Variants in SLC4A10 observed in about 807,000 individuals in gnomAD.
SLC4A10 encodes sodium-driven chloride bicarbonate exchanger.
SLC4A10 carries 42 observed loss-of-function variants against 137.7 expected under a neutral mutation model. That is an observed-to-expected ratio of 0.30 (90% CI 0.24 to 0.39). The LOEUF (loss-of-function observed/expected upper bound fraction) is 0.39. SLC4A10 is among the 10% of genes least tolerant of loss of function. SLC4A10 has a pLI of 1.00. For missense variants in SLC4A10, 925 were observed against 1,355.0 expected (o/e 0.68, Z 4.98); for synonymous variants, 474 against 464.1 (o/e 1.02, Z -0.27).
chr2:161,732,359 AT>A (rs1310613425), intron 1 of SLC4A10, among the ~76,000 whole-genome samples: 2 of 152,212 alleles, frequency 1.3e-5, no homozygotes, highest in Non-Finnish European at 2.9e-5. Flanking sequence ...ATACAAAAAG[AT>A]TCCCCATTTT....
intron 6 of SLC4A10, among the ~76,000 whole-genome samples, chr2:161,867,403 T>A (rs1190042896): frequency 6.6e-6 from 1 of 151,992 alleles, no homozygotes; most frequent in Non-Finnish European, 1.5e-5. Context: ...AAAGCTAGAA[T>A]AATAATTCTT....
rs1309103792 is a variant in SLC4A10 at position 161,828,784 on chromosome 2, AT to A, written c.278-11004del. 1.1e-4 allele frequency among the ~76,000 whole-genome samples: 12 copies of A among 110,172 alleles called. 1 individual carries two copies. The highest frequency in any genetic ancestry group is 4.3e-4 in the African/African-American group (12 of 27,898). 72.3% of individuals were successfully genotyped at this position (110,172 alleles called of 152,430 possible). On this transcript the variant is annotated intron_variant, in intron 3 of 26. Transcript: ENST00000446997. ...TTCTAATTCATATATATATATATAT[AT>A]ATATATATATATATATATATATATG...
At chr2:161,674,519 T>C (rs1322247255) in intron 1 of SLC4A10, among the ~76,000 whole-genome samples, 1 of 152,178 alleles carries the variant, frequency 6.6e-6, no homozygotes, top group Non-Finnish European at 1.5e-5. Flanking sequence ...CATCTTTCTG[T>C]AATAGAAGAA....
chr2:161,811,082 C>T (rs948875006), intron 3 of SLC4A10, among the ~76,000 whole-genome samples: 4 of 151,878 alleles, frequency 2.6e-5, no homozygotes, highest in South Asian at 2.1e-4. Flanking sequence ...TCACATTATC[C>T]CTTGTTCAAC....
intron 12 of SLC4A10, among the ~76,000 whole-genome samples, chr2:161,903,495 G>A (rs533569878): frequency 2.2e-4 from 34 of 152,240 alleles, no homozygotes; most frequent in African/African-American, 7.5e-4. Flanking sequence ...TTTTTTGGCC[G>A]AGAGAGTAGG....
At chr2:161,824,483 G>A (rs2057878550) in intron 3 of SLC4A10, among the ~76,000 whole-genome samples, 2 of 152,148 alleles carry the variant, frequency 1.3e-5, no homozygotes, top group Admixed American at 1.3e-4. Context: ...TTGTGAATAT[G>A]GCGAAAAAGG....
chr2:161,970,247 T>C (rs1169751177), intron 23 of SLC4A10, among the ~76,000 whole-genome samples: 2 of 152,226 alleles, frequency 1.3e-5, no homozygotes, highest in African/African-American at 4.8e-5. Flanking sequence ...ATGAAAAATA[T>C]GTTACATTTA....
Position 161,939,917 on chromosome 2 carries a change from G to A in SLC4A10, c.1998-2875G>A, listed in dbSNP as rs542228633. ...TAATGTGCAATGCTTCCTTCTCCAT[G>A]GCTCCAGTGTCATGACATCTATAGT... On this transcript the variant is annotated intron_variant, in intron 15 of 26. Transcript: ENST00000446997. 3.9e-5 allele frequency among the ~76,000 whole-genome samples: 6 copies of A among 152,106 alleles called. No individual in the cohort carries two copies. In the South Asian group the frequency reaches 1.2e-3, roughly 32 times the overall value.
intron 2 of SLC4A10, among the ~76,000 whole-genome samples, chr2:161,772,617 C>A (rs1463774986): frequency 2.0e-5 from 3 of 151,764 alleles, no homozygotes; most frequent in African/African-American, 7.3e-5. Flanking sequence ...AGATTTTGTT[C>A]TATTTACTGA....
chr2:161,877,284 T>C (rs1223059482), intron 8 of SLC4A10, among the ~76,000 whole-genome samples: 1 of 152,104 alleles, frequency 6.6e-6, no homozygotes, highest in Non-Finnish European at 1.5e-5. Flanking sequence ...TAATTCATAT[T>C]ATCAATTATG....
At chr2:161,904,662 G>T (rs1683930679) in intron 13 of SLC4A10, 114 bp from the exon 14 acceptor site, 3 of 1,349,650 alleles carry the variant, frequency 2.2e-6, no homozygotes, top group Non-Finnish European at 3.0e-6. Flanking sequence ...AGGGTTGCTA[G>T]ACTTTTCAGG....
chr2:161,896,430 GT>G (rs1271893914), intron 11 of SLC4A10, among the ~76,000 whole-genome samples: 2 of 152,070 alleles, frequency 1.3e-5, no homozygotes, highest in Non-Finnish European at 1.5e-5. Flanking sequence ...CTTTAAAGTA[GT>G]TTTTTTCCAA....
chr2:161,866,488 T>G (rs1212654729), intron 6 of SLC4A10, among the ~76,000 whole-genome samples: 1 of 152,014 alleles, frequency 6.6e-6, no homozygotes, highest in Non-Finnish European at 1.5e-5. Context: ...AATGCCACCA[T>G]GCTGTGTTTA....
At chr2:161,759,848 C>A (rs1268140287) in intron 1 of SLC4A10, among the ~76,000 whole-genome samples, 1 of 151,946 alleles carries the variant, frequency 6.6e-6, no homozygotes, top group Non-Finnish European at 1.5e-5. Flanking sequence ...CTTTGCTGTG[C>A]AGATTAAATG....
intron 1 of SLC4A10, among the ~76,000 whole-genome samples, chr2:161,760,892 A>G (rs2050186245): frequency 1.3e-5 from 2 of 151,888 alleles, no homozygotes; most frequent in Admixed American, 1.3e-4. Flanking sequence ...TATATATATA[A>G]CATACATAGG....
chr2:161,773,744 CAT>C (rs2051963563), intron 2 of SLC4A10, among the ~76,000 whole-genome samples: 1 of 151,810 alleles, frequency 6.6e-6, no homozygotes, highest in African/African-American at 2.4e-5. Flanking sequence ...TTAATTTCTT[CAT>C]ATGTGTATTA....
intron 9 of SLC4A10, among the ~76,000 whole-genome samples, chr2:161,881,923 T>C (rs568707125): frequency 6.6e-6 from 1 of 152,150 alleles, no homozygotes; most frequent in South Asian, 2.1e-4. Flanking sequence ...ACTCTATATT[T>C]TCTCTGTTTT....
At chr2:161,875,789 A>G (rs1490676889) in intron 8 of SLC4A10, among the ~76,000 whole-genome samples, 1 of 152,204 alleles carries the variant, frequency 6.6e-6, no homozygotes, top group African/African-American at 2.4e-5. Flanking sequence ...AGGAAACCTT[A>G]GACATCTCCT....
intron 4 of SLC4A10, 120 bp downstream of exon 4, chr2:161,840,047 T>A: frequency 1.6e-6 from 2 of 1,230,822 alleles, no homozygotes; most frequent in South Asian, 2.7e-5. Flanking sequence ...TAGAAGTTGC[T>A]CATCTAGCCT....
Sources: allele counts gnomAD v4.1 joint callset (sites outside exome capture counted in the v4.1 genomes callset), GRCh38; gene constraint gnomAD v4.1.1; transcripts MANE v1.5; gene names NCBI Gene and HGNC (gene_info 2026-07-23, HGNC 2026-07-21).